The following NHS variants were observed in gnomAD, a reference collection of about 807,000 sequenced individuals.
NHS encodes the protein NHS actin remodeling regulator, also known as actin remodeling regulator NHS.
A neutral mutation model predicts 72.5 loss-of-function variants in NHS; 5 were observed. The observed-to-expected ratio is 0.07, with a 90% CI of 0.04 to 0.14. The LOEUF is 0.14. Among genes scored for constraint, NHS ranks in the 10% least tolerant of loss-of-function variants. The pLI, the probability that NHS is intolerant of heterozygous loss-of-function variation, is 1.00. For synonymous variants in NHS, 464 were observed against 547.7 expected (o/e 0.85, Z 2.13); for missense variants, 1,072 against 1,355.7 (o/e 0.79, Z 3.29).
At chrX:17,468,499 A>G (rs1601719673) in intron 1 of NHS, among the ~76,000 whole-genome samples, 1 of 109,536 alleles carries the variant, frequency 9.1e-6, no homozygotes, top group East Asian at 2.8e-4. Flanking sequence ...CTTAGTTACT[A>G]TCACAGCTCA....
At chrX:17,429,698 GT>G (rs2064678411) in intron 1 of NHS, among the ~76,000 whole-genome samples, 2 of 111,582 alleles carry the variant, frequency 1.8e-5, no homozygotes, top group Admixed American at 1.9e-4. Flanking sequence ...GAGAGCTATT[GT>G]CCCCTTTGAG....
chrX:17,692,189 A>T lies in NHS; in HGVS notation c.719-146A>T. On this transcript the variant is annotated intron_variant, in intron 2 of 8. Transcript: ENST00000676302. ...AAAGTTCAATTAAAAACCATTCTGA[A>T]AATCTTATTTGGTATTCAAATTAGC... 6.9e-6 allele frequency: 5 copies of T among 722,663 alleles called. 1 individual carries two copies. In the South Asian group the frequency reaches 1.2e-4, roughly 18 times the overall value. 59.6% of individuals were successfully genotyped at this position (722,663 alleles called of 1,213,427 possible).
At chrX:17,633,630 C>A (rs1308744588) in intron 1 of NHS, among the ~76,000 whole-genome samples, 1 of 111,920 alleles carries the variant, frequency 8.9e-6, no homozygotes, top group African/African-American at 3.2e-5. Context: ...TGATTCTGGG[C>A]AGCTAAATAG....
At chrX:17,530,444 T>C (rs2065193099) in intron 1 of NHS, among the ~76,000 whole-genome samples, 1 of 111,168 alleles carries the variant, frequency 9.0e-6, no homozygotes, top group African/African-American at 3.3e-5. Context: ...TCCCTTAACC[T>C]CTCAGAATGG....
At chrX:17,433,036 C>T (rs6632976) in intron 1 of NHS, among the ~76,000 whole-genome samples, 21,297 of 109,022 alleles carry the variant, frequency 0.2, 1,999 homozygotes, top group South Asian at 0.43. Flanking sequence ...TTTTGCTCCC[C>T]CTTTTTTTTT....
rs115892832 is a variant in NHS, at chrX:17,523,247, C to T, written c.565+146925C>T. Among the ~76,000 whole-genome samples, 931 of 111,589 alleles carry T rather than the reference C, an allele frequency of 8.3e-3. 7 individuals carry two copies. The highest frequency in any genetic ancestry group is 0.029 in the African/African-American group (890 of 30,670). ...GGCACCATCAGGCTGAGTCTTAGAG[C>T]CTGGCAGGACTCAGGCCTGACAGAA... On this transcript the variant is annotated intron_variant, in intron 1 of 8. Coordinates refer to ENST00000676302, the MANE Select transcript of NHS (RefSeq NM_001291867.2).
intron 3 of NHS, among the ~76,000 whole-genome samples, chrX:17,693,954 T>G (rs372025305): frequency 1.5e-4 from 17 of 112,925 alleles, no homozygotes; most frequent in East Asian, 1.4e-3. Context: ...CCATTCATTA[T>G]AACATGTTTT....
rs752918521 is a variant in NHS at position 17,644,187 on chromosome X, G to A, written c.566-43555G>A. Among the ~76,000 whole-genome samples the A allele has an allele frequency of 5.4e-5, 6 of 111,807 alleles. No individual in the cohort carries two copies. In the East Asian group the frequency reaches 8.4e-4, roughly 16 times the overall value. On this transcript the variant is annotated intron_variant, in intron 1 of 8. Transcript: ENST00000676302. ...GCTGTGGATAACCACAAAGCTGCCCGGGGCCAAAAATGCCACCTGTTGACT... is the reference window on the plus strand; with the variant it reads ...GCTGTGGATAACCACAAAGCTGCCCAGGGCCAAAAATGCCACCTGTTGACT...
intron 1 of NHS, among the ~76,000 whole-genome samples, chrX:17,401,581 G>A: frequency 8.9e-6 from 1 of 111,884 alleles, no homozygotes; most frequent in Non-Finnish European, 1.9e-5. Context: ...ATTTCAGGAG[G>A]CTGGAAGTCC....
chrX:17,462,369 GC>G (rs1474220343), intron 1 of NHS, among the ~76,000 whole-genome samples: 1 of 111,282 alleles, frequency 9.0e-6, no homozygotes, highest in African/African-American at 3.3e-5. Flanking sequence ...GTAAGAGGTG[GC>G]CCCAGGATTC....
intron 1 of NHS, among the ~76,000 whole-genome samples, chrX:17,578,613 T>C (rs902398070): frequency 2.7e-5 from 3 of 112,182 alleles, no homozygotes; most frequent in African/African-American, 9.7e-5. Context: ...ACAGTATAGT[T>C]TCATGTGTAA....
chrX:17,556,604 A>G (rs1201199919), intron 1 of NHS, among the ~76,000 whole-genome samples: 1 of 113,019 alleles, frequency 8.8e-6, no homozygotes, highest in Non-Finnish European at 1.9e-5. Flanking sequence ...TTATAGATGA[A>G]GAAAATGGAG....
intron 3 of NHS, among the ~76,000 whole-genome samples, chrX:17,714,740 TTG>T (rs1211702809): frequency 8.9e-6 from 1 of 111,947 alleles, no homozygotes; most frequent in Non-Finnish European, 1.9e-5. Flanking sequence ...ATTTAAACAG[TTG>T]TGGAAGAATA....
intron 1 of NHS, among the ~76,000 whole-genome samples, chrX:17,535,367 G>C (rs1472150991): frequency 2.7e-5 from 3 of 110,958 alleles, no homozygotes; most frequent in Non-Finnish European, 5.7e-5. Flanking sequence ...AGTAAGGAAG[G>C]CCCTCTCCTA....
chrX:17,477,769 C>T (rs1432155120), intron 1 of NHS, among the ~76,000 whole-genome samples: 1 of 111,933 alleles, frequency 8.9e-6, no homozygotes, highest in Non-Finnish European at 1.9e-5. Context: ...TTGGCTAAAA[C>T]AAATTATAAA....
chrX:17,524,600 G>T (rs1382413686), intron 1 of NHS, among the ~76,000 whole-genome samples: 2 of 111,572 alleles, frequency 1.8e-5, no homozygotes, highest in Admixed American at 9.5e-5. Flanking sequence ...CTTAATTTTG[G>T]TTTCTCTGAT....
intron 1 of NHS, among the ~76,000 whole-genome samples, chrX:17,491,754 CT>C (rs760624484): frequency 6.0e-3 from 409 of 68,537 alleles, no homozygotes; most frequent in Middle Eastern, 9.3e-3. Flanking sequence ...TGGTCCTGGG[CT>C]TTTTTTTTTT....
chrX:17,531,610 A>T (rs191272480), intron 1 of NHS, among the ~76,000 whole-genome samples: 1 of 112,588 alleles, frequency 8.9e-6, no homozygotes, highest in Admixed American at 9.3e-5. Flanking sequence ...CTGTGACACC[A>T]TTGGTCGTAG....
chrX:17,591,048 A>T (rs2065600541), intron 1 of NHS, among the ~76,000 whole-genome samples: 1 of 112,282 alleles, frequency 8.9e-6, no homozygotes, highest in Non-Finnish European at 1.9e-5. Flanking sequence ...AGCCATAAGC[A>T]ACACATAAAT....
Sources: gnomAD v4.1 joint callset for allele counts (sites outside exome capture counted in the v4.1 genomes callset) on GRCh38, gnomAD v4.1.1 for gene constraint, MANE v1.5 for transcripts, NCBI Gene and HGNC (gene_info 2026-07-23, HGNC 2026-07-21) for gene names.